Variants in PTPRD observed in about 807,000 individuals in gnomAD.
PTPRD encodes protein tyrosine phosphatase receptor type D.
PTPRD carries 34 observed loss-of-function variants against 214.5 expected under a neutral mutation model. The ratio of observed to expected loss-of-function variants is 0.16; its 90% CI spans 0.12 to 0.21. The LOEUF is 0.21. Among genes scored for constraint, PTPRD ranks in the 10% least tolerant of loss-of-function variants. The pLI is 1.00. For synonymous variants in PTPRD, 1,128 were observed against 845.7 expected, an observed-to-expected ratio of 1.33 and a Z score of -5.79; for missense variants, 2,545 against 2,398.7, an observed-to-expected ratio of 1.06 and a Z score of -1.27.
At chr9:9,549,926 TA>T (rs2079775795) in intron 8 of PTPRD, among the ~76,000 whole-genome samples, 1 of 152,066 alleles carries the variant, frequency 6.6e-6, no homozygotes, top group East Asian at 1.9e-4. Context: ...TGGATAAAAG[TA>T]AAAATAAATA....
At chr9:8,752,613 C>T (rs569689091) in intron 11 of PTPRD, among the ~76,000 whole-genome samples, 7 of 152,214 alleles carry the variant, frequency 4.6e-5, no homozygotes, top group East Asian at 1.9e-4. Flanking sequence ...GGGTCTGGAT[C>T]GGGACCCCTT....
chr9:9,441,226 C>G (rs568388729), intron 8 of PTPRD, among the ~76,000 whole-genome samples: 1 of 152,080 alleles, frequency 6.6e-6, no homozygotes, highest in Non-Finnish European at 1.5e-5. Flanking sequence ...AGCCTATCCT[C>G]GAAGCGGTGT....
intron 39 of PTPRD, among the ~76,000 whole-genome samples, chr9:8,362,155 A>G (rs20513): frequency 0.57 from 87,466 of 152,136 alleles, 26,282 homozygotes; most frequent in Non-Finnish European, 0.68. Context: ...CAGATTTTAA[A>G]GATGTGTTTA....
At chr9:9,203,359 A>T (rs563149943) in intron 9 of PTPRD, among the ~76,000 whole-genome samples, 1 of 152,284 alleles carries the variant, frequency 6.6e-6, no homozygotes, top group East Asian at 1.9e-4. Flanking sequence ...CTTGGACTTT[A>T]TTCCATTTTA....
chr9:8,536,085 AACTC>A (rs2076864153), intron 14 of PTPRD, among the ~76,000 whole-genome samples: 1 of 151,950 alleles, frequency 6.6e-6, no homozygotes, highest in African/African-American at 2.4e-5. Context: ...ATAAAACAAA[AACTC>A]AGTAATATTG....
intron 11 of PTPRD, among the ~76,000 whole-genome samples, chr9:8,883,121 A>G (rs1331553697): frequency 6.6e-6 from 1 of 152,182 alleles, no homozygotes; most frequent in Non-Finnish European, 1.5e-5. Context: ...CTAATTGAGC[A>G]TCTACTATGT....
rs145967214 is a variant in PTPRD at position 9,321,133 on chromosome 9, C to T, written c.-203+76316G>A. ...ATTAGGTATCTTCTTGTAAAATCTA[C>T]GTATGAAATAAAGATACAAAATTCA... On this transcript the variant is annotated intron_variant, in intron 9 of 45. Transcript: ENST00000381196. 5.1e-3 allele frequency among the ~76,000 whole-genome samples: 775 copies of T among 152,204 alleles called. 9 individuals carry two copies. The highest frequency in any genetic ancestry group is 0.017 in the African/African-American group (708 of 41,544).
chr9:9,402,617 G>A (rs1385680107), intron 8 of PTPRD, among the ~76,000 whole-genome samples: 1 of 151,950 alleles, frequency 6.6e-6, no homozygotes, highest in African/African-American at 2.4e-5. Flanking sequence ...CAAGGATCAA[G>A]ATCAAGATTA....
chr9:8,987,859 G>C (rs530620374), intron 11 of PTPRD, among the ~76,000 whole-genome samples: 2 of 152,086 alleles, frequency 1.3e-5, no homozygotes, highest in African/African-American at 4.8e-5. Flanking sequence ...GGTAAATCAG[G>C]ACTGAAGGTC....
chr9:8,952,458 C>T (rs1017049631), intron 11 of PTPRD, among the ~76,000 whole-genome samples: 1 of 151,928 alleles, frequency 6.6e-6, no homozygotes, highest in Non-Finnish European at 1.5e-5. Flanking sequence ...ATCAACTAAA[C>T]ATAACTATAA....
intron 3 of PTPRD, among the ~76,000 whole-genome samples, chr9:10,190,553 A>G (rs1422858989): frequency 6.6e-6 from 1 of 151,504 alleles, no homozygotes; most frequent in Non-Finnish European, 1.5e-5. Flanking sequence ...CCCCATCTCT[A>G]CTAAAAATAC....
rs576083662 is a variant in PTPRD at position 10,036,057 on chromosome 9, A to G, written c.-544-2267T>C. Among the ~76,000 whole-genome samples the G allele has an allele frequency of 1.9e-4, 29 of 152,266 alleles. 1 individual carries two copies. The South Asian group carries it at 5.8e-3, about 30-fold the overall frequency. ...GGTCTAAAATAAACTTCACTCTTGG[A>G]TATTCAACATTGGTATCTGGCAGTA... On this transcript the variant is annotated intron_variant, in intron 3 of 45. Coordinates refer to ENST00000381196, the MANE Select transcript of PTPRD (RefSeq NM_002839.4).
At chr9:9,238,287 A>T (rs6477377) in intron 9 of PTPRD, among the ~76,000 whole-genome samples, 130,879 of 151,558 alleles carry the variant, frequency 0.86, 57,098 homozygotes, top group Non-Finnish European at 0.92. Flanking sequence ...AGGGTTAGTT[A>T]CTGCAGTGTG....
chr9:9,834,205 C>T (rs2055998081), intron 5 of PTPRD, among the ~76,000 whole-genome samples: 1 of 152,036 alleles, frequency 6.6e-6, no homozygotes, highest in South Asian at 2.1e-4. Flanking sequence ...TTCAGCCGGT[C>T]CCTCTGTTTG....
intron 3 of PTPRD, among the ~76,000 whole-genome samples, chr9:10,154,748 A>G (rs745504852): frequency 2.9e-5 from 4 of 135,638 alleles, no homozygotes; most frequent in Non-Finnish European, 4.6e-5. Context: ...ATTGAAGATC[A>G]GATGGCTGTA....
At chr9:10,264,862 G>T (rs752814703) in intron 3 of PTPRD, among the ~76,000 whole-genome samples, 1 of 152,086 alleles carries the variant, frequency 6.6e-6, no homozygotes, top group Non-Finnish European at 1.5e-5. Flanking sequence ...GGGACCCAGG[G>T]GGAGATAATT....
intron 5 of PTPRD, among the ~76,000 whole-genome samples, chr9:9,928,877 A>T: frequency 6.6e-6 from 1 of 152,118 alleles, no homozygotes; most frequent in Non-Finnish European, 1.5e-5. Flanking sequence ...TCACTTGGTA[A>T]TATCAATTAG....
At chr9:8,860,351 C>G (rs1336459992) in intron 11 of PTPRD, 2 of 152,192 alleles carry the variant, frequency 1.3e-5, no homozygotes, top group African/African-American at 2.4e-5. Context: ...TCAGGGGATA[C>G]AGAGGACAGT....
rs1030526888 is a variant in PTPRD at position 8,554,060 on chromosome 9, C to T, written c.353-25281G>A. On this transcript the variant is annotated intron_variant, in intron 14 of 45. Coordinates refer to ENST00000381196, the MANE Select transcript of PTPRD (RefSeq NM_002839.4). ...AAAATTAGCCGGGCGTGGTATTGCA[C>T]GCCTGTAATCCCAGCTACTTGGAAG... Among the ~76,000 whole-genome samples the T allele has an allele frequency of 7.2e-5, 11 of 152,184 alleles. 1 individual carries two copies. Among genetic ancestry groups the T allele is most frequent in the African/African-American group, 1.4e-4 (6 of 41,536 alleles).
Sources: allele counts gnomAD v4.1 joint callset (sites outside exome capture counted in the v4.1 genomes callset), GRCh38; gene constraint gnomAD v4.1.1; transcripts MANE v1.5; gene names NCBI Gene and HGNC (gene_info 2026-07-23, HGNC 2026-07-21).